Variants in ROBO2 observed in about 807,000 individuals in gnomAD.
The protein encoded by ROBO2 is roundabout homolog 2.
In ROBO2, 53 loss-of-function variants were observed where a neutral mutation model predicts 160.8. The observed-to-expected ratio is 0.33, with a 90% CI of 0.26 to 0.41. The LOEUF is 0.41. Among genes scored for constraint, ROBO2 ranks in the 10% least tolerant of loss-of-function variants. The pLI is 1.00. For synonymous variants in ROBO2, 664 were observed against 611.7 expected (o/e 1.09, Z -1.26); for missense variants, 1,577 against 1,722.4 (o/e 0.92, Z 1.49).
chr3:76,384,651 A>C (rs2076794687), intron 2 of ROBO2, among the ~76,000 whole-genome samples: 1 of 152,140 alleles, frequency 6.6e-6, no homozygotes, highest in South Asian at 2.1e-4. Flanking sequence ...AGAAACTTAC[A>C]ACCATGGCAG....
intron 2 of ROBO2, among the ~76,000 whole-genome samples, chr3:77,001,749 C>A (rs2061345252): frequency 6.6e-6 from 1 of 152,078 alleles, no homozygotes. Context: ...TCCTTCTAAT[C>A]CTTAATAAGC....
At chr3:76,603,343 AAAAAAAAAATATATATATAT>A in intron 2 of ROBO2, among the ~76,000 whole-genome samples, 1 of 75,568 alleles carries the variant, frequency 1.3e-5, no homozygotes, top group Non-Finnish European at 2.4e-5. Flanking sequence ...AAAAAAAAAA[AAAAAAAAAATATATATATAT>A]ATATATATAT....
At chr3:76,669,559 C>T (rs983362413) in intron 2 of ROBO2, among the ~76,000 whole-genome samples, 1 of 152,100 alleles carries the variant, frequency 6.6e-6, no homozygotes. Flanking sequence ...TGCTCTGCCA[C>T]CCTGCCTGCC....
At chr3:76,497,201 G>T (rs2080197299) in intron 2 of ROBO2, among the ~76,000 whole-genome samples, 1 of 151,852 alleles carries the variant, frequency 6.6e-6, no homozygotes, top group African/African-American at 2.4e-5. Context: ...TCACTGTCTT[G>T]TTTTTTTCAT....
At chr3:76,183,278 G>A (rs1399656359) in intron 2 of ROBO2, among the ~76,000 whole-genome samples, 1 of 152,072 alleles carries the variant, frequency 6.6e-6, no homozygotes, top group Non-Finnish European at 1.5e-5. Context: ...AAGTCTGCAA[G>A]GCATCTTATC....
chr3:77,165,555 C>T (rs2078996699), intron 2 of ROBO2, among the ~76,000 whole-genome samples: 1 of 125,646 alleles, frequency 8.0e-6, no homozygotes, highest in African/African-American at 2.8e-5. Flanking sequence ...CAAGAATTAT[C>T]AATAAAAAAA....
Position 76,082,202 on chromosome 3 carries a change from G to A in ROBO2, c.109+144600G>A, listed in dbSNP as rs144368759. Among the ~76,000 whole-genome samples the A allele has an allele frequency of 3.3e-4, 51 of 152,276 alleles. 1 individual carries two copies. The highest frequency in any genetic ancestry group is 6.8e-3 in the Middle Eastern group (2 of 294). ...ACACACCATGACAAAGTAGGTATAA[G>A]AGATGATGTGACTACTGTTACTACC... On this transcript the variant is annotated intron_variant, in intron 2 of 26. Coordinates refer to the ROBO2 transcript ENST00000487694.
intron 2 of ROBO2, among the ~76,000 whole-genome samples, chr3:76,369,284 C>A (rs1252113432): frequency 2.0e-5 from 3 of 151,904 alleles, no homozygotes; most frequent in African/African-American, 7.2e-5. Flanking sequence ...ATTCATTGGC[C>A]TTCCGAGTTG....
intron 2 of ROBO2, among the ~76,000 whole-genome samples, chr3:75,965,908 G>A (rs1369685493): frequency 6.6e-6 from 1 of 151,552 alleles, no homozygotes; most frequent in African/African-American, 2.4e-5. Context: ...CCAATTAAAT[G>A]GTATTTTGAA....
At chr3:77,404,203 A>G (rs1386296783) in intron 2 of ROBO2, among the ~76,000 whole-genome samples, 1 of 152,196 alleles carries the variant, frequency 6.6e-6, no homozygotes, top group Non-Finnish European at 1.5e-5. Context: ...CTTATGGAAT[A>G]TAATATCTCA....
At chr3:76,895,333 C>T (rs946041790) in intron 2 of ROBO2, among the ~76,000 whole-genome samples, 1 of 151,848 alleles carries the variant, frequency 6.6e-6, no homozygotes, top group African/African-American at 2.4e-5. Context: ...GCACTGTGCC[C>T]AAATCATAAT....
At chr3:76,630,671 G>C (rs2109440353) in intron 2 of ROBO2, among the ~76,000 whole-genome samples, 1 of 152,294 alleles carries the variant, frequency 6.6e-6, no homozygotes, top group Admixed American at 6.5e-5. Context: ...CCTGAGTGGT[G>C]AATGGAGAAA....
At chr3:76,236,100 G>T (rs1704928107) in intron 2 of ROBO2, among the ~76,000 whole-genome samples, 1 of 151,692 alleles carries the variant, frequency 6.6e-6, no homozygotes, top group African/African-American at 2.4e-5. Flanking sequence ...ATGTTTTTTT[G>T]TTCTAATTAA....
At chr3:76,939,168 A>T (rs1313957713) in intron 2 of ROBO2, among the ~76,000 whole-genome samples, 3 of 152,136 alleles carry the variant, frequency 2.0e-5, no homozygotes, top group African/African-American at 7.2e-5. Context: ...GATGATAAAA[A>T]TGAAGAAGAG....
intron 2 of ROBO2, among the ~76,000 whole-genome samples, chr3:76,675,086 A>G (rs781419831): frequency 1.3e-5 from 2 of 152,194 alleles, no homozygotes; most frequent in Non-Finnish European, 2.9e-5. Context: ...GCCATAGACT[A>G]TTCTTCAAAA....
At chr3:76,028,111 T>C (rs2066802532) in intron 2 of ROBO2, among the ~76,000 whole-genome samples, 1 of 151,286 alleles carries the variant, frequency 6.6e-6, no homozygotes, top group African/African-American at 2.4e-5. Flanking sequence ...GCTATGATTT[T>C]ATTAAAAATA....
At chr3:76,619,112 G>A (rs539229372) in intron 2 of ROBO2, among the ~76,000 whole-genome samples, 172 of 151,696 alleles carry the variant, frequency 1.1e-3, no homozygotes, top group Non-Finnish European at 1.1e-3. Context: ...AGGCCGAGGC[G>A]GGCGGATCAC....
chr3:77,588,605 A>G (rs2094111164), intron 16 of ROBO2, 146 bp from the exon 18 acceptor site: 1 of 733,988 alleles, frequency 1.4e-6, no homozygotes, highest in East Asian at 2.7e-5. Context: ...ATTATGGGCT[A>G]TGCTTATCAA....
chr3:75,972,188 A>G (rs1490761705), intron 2 of ROBO2, among the ~76,000 whole-genome samples: 1 of 151,702 alleles, frequency 6.6e-6, no homozygotes, highest in Non-Finnish European at 1.5e-5. Context: ...TTTAGAAGCA[A>G]TATTATTAAG....
Sources: allele counts gnomAD v4.1 joint callset (sites outside exome capture counted in the v4.1 genomes callset), GRCh38; gene constraint gnomAD v4.1.1; transcripts MANE v1.5; gene names NCBI Gene and HGNC (gene_info 2026-07-23, HGNC 2026-07-21).